ATG10: variants seen among roughly 807,000 people sequenced by gnomAD.
ATG10 encodes the protein autophagy related 10, also known as ubiquitin-like-conjugating enzyme ATG10.
A neutral mutation model predicts 32.1 loss-of-function variants in ATG10; 30 were observed. The ratio of observed to expected loss-of-function variants is 0.94; its 90% confidence interval spans 0.70 to 1.27. ATG10 has a LOEUF of 1.27. Among genes scored for constraint, ATG10 ranks in the 50% most tolerant of loss-of-function variants. The probability of loss-of-function intolerance (pLI) is 0.00; values close to 1 mark genes in which losing one functional copy is unlikely to be tolerated. For missense variants in ATG10, 233 were observed against 262.3 expected, an observed-to-expected ratio of 0.89 and a Z score of 0.77; for synonymous variants, 87 against 91.5, an observed-to-expected ratio of 0.95 and a Z score of 0.28.
At chr5:82,111,362 A>G (rs1217004880) in intron 3 of ATG10, 1 of 151,954 alleles carries the variant, frequency 6.6e-6, no homozygotes, top group Non-Finnish European at 1.5e-5. Context: ...ATTTTGTGTT[A>G]CGGATGTCTT....
chr5:82,192,974 C>T (rs886305702), intron 5 of ATG10, among the ~76,000 whole-genome samples: 23 of 152,172 alleles, frequency 1.5e-4, no homozygotes, highest in Non-Finnish European at 2.5e-4. Context: ...ATTTCTTTCT[C>T]AGGAGAGACC....
At chr5:82,143,092 G>T (rs1393699132) in intron 3 of ATG10, among the ~76,000 whole-genome samples, 1 of 152,230 alleles carries the variant, frequency 6.6e-6, no homozygotes, top group Non-Finnish European at 1.5e-5. Context: ...TGGAGTGGTT[G>T]TTAGAGTCAT....
intron 5 of ATG10, among the ~76,000 whole-genome samples, chr5:82,182,279 A>T (rs900568933): frequency 3.3e-5 from 5 of 152,170 alleles, no homozygotes; most frequent in Non-Finnish European, 2.9e-5. Flanking sequence ...TAATTGTGTA[A>T]TGTGCTTATT....
chr5:82,155,440 T>C (rs950064289), intron 3 of ATG10, among the ~76,000 whole-genome samples: 13 of 152,328 alleles, frequency 8.5e-5, no homozygotes, highest in African/African-American at 2.9e-4. Flanking sequence ...CTAAGGTCTA[T>C]GGACTACAGC....
chr5:82,010,233 A>T, intron 2 of ATG10: 2 of 729,782 alleles, frequency 2.7e-6, no homozygotes, highest in Middle Eastern at 4.0e-4. Flanking sequence ...GGAGGGGAAA[A>T]ATAACCAATT....
intron 2 of ATG10, chr5:82,009,917 C>T (rs931395274): frequency 6.2e-7 from 1 of 1,611,012 alleles, no homozygotes; most frequent in Non-Finnish European, 8.5e-7. Flanking sequence ...GACACATAAA[C>T]CCTGGAATAA....
intron 5 of ATG10, among the ~76,000 whole-genome samples, chr5:82,228,245 T>C (rs1746215254): frequency 6.6e-6 from 1 of 152,090 alleles, no homozygotes; most frequent in South Asian, 2.1e-4. Flanking sequence ...ATTAAAAGTA[T>C]GTATCAATAC....
chr5:82,046,944 A>T (rs926074814), intron 2 of ATG10, among the ~76,000 whole-genome samples: 1 of 152,124 alleles, frequency 6.6e-6, no homozygotes, highest in Non-Finnish European at 1.5e-5. Flanking sequence ...TAAATCCAGA[A>T]ATCAAGATGA....
intron 3 of ATG10, among the ~76,000 whole-genome samples, chr5:82,151,983 A>G (rs1454312681): frequency 2.6e-5 from 4 of 152,208 alleles, no homozygotes; most frequent in Admixed American, 2.0e-4. Context: ...AAACAATGTA[A>G]AAAGACCTGA....
chr5:82,173,780 C>A (rs1743898195), intron 4 of ATG10, among the ~76,000 whole-genome samples: 1 of 152,162 alleles, frequency 6.6e-6, no homozygotes, highest in African/African-American at 2.4e-5. Flanking sequence ...TCTCCTCTGA[C>A]TGAGGCCAGA....
At chr5:82,191,200 T>C (rs1379840212) in intron 5 of ATG10, among the ~76,000 whole-genome samples, 1 of 152,228 alleles carries the variant, frequency 6.6e-6, no homozygotes, top group Non-Finnish European at 1.5e-5. Flanking sequence ...ACACTGAAGT[T>C]ACTGATAAAT....
chr5:81,975,220 A>G (rs1760835172), intron 1 of ATG10, among the ~76,000 whole-genome samples: 2 of 152,138 alleles, frequency 1.3e-5, no homozygotes, highest in Admixed American at 1.3e-4. Context: ...GTGGTTGTAC[A>G]ATTTATCACT....
At chr5:81,974,513 A>G (rs182386758) in intron 1 of ATG10, among the ~76,000 whole-genome samples, 12 of 152,352 alleles carry the variant, frequency 7.9e-5, no homozygotes, top group African/African-American at 2.6e-4. Context: ...CTTTCTGAGA[A>G]AACCTTTTTA....
intron 2 of ATG10, among the ~76,000 whole-genome samples, chr5:82,029,328 A>T (rs1178283611): frequency 2.2e-5 from 1 of 45,526 alleles, no homozygotes; most frequent in Non-Finnish European, 6.1e-5. Flanking sequence ...ATATAAAGAA[A>T]ATGTATTTAA....
intron 3 of ATG10, among the ~76,000 whole-genome samples, chr5:82,119,350 A>G (rs1765951113): frequency 1.3e-5 from 2 of 152,344 alleles, no homozygotes; most frequent in South Asian, 4.1e-4. Flanking sequence ...ATTTCTAGCC[A>G]TTATAAATGG....
At chr5:82,059,076 C>G (rs1448379956) in intron 3 of ATG10, among the ~76,000 whole-genome samples, 5 of 152,062 alleles carry the variant, frequency 3.3e-5, no homozygotes, top group Non-Finnish European at 7.4e-5. Flanking sequence ...GCCTTTAGCC[C>G]CTTTTCCCTT....
intron 2 of ATG10, among the ~76,000 whole-genome samples, chr5:82,034,604 G>A (rs1047210570): frequency 1.3e-5 from 2 of 152,124 alleles, no homozygotes; most frequent in East Asian, 3.9e-4. Flanking sequence ...TGGCTTCCAA[G>A]GCCTTCAGTG....
intron 2 of ATG10, among the ~76,000 whole-genome samples, chr5:82,048,875 A>G (rs1763309204): frequency 6.6e-6 from 1 of 152,154 alleles, no homozygotes; most frequent in Admixed American, 6.6e-5. Context: ...TTAGAATGGC[A>G]ATCATTAAAA....
intron 2 of ATG10, among the ~76,000 whole-genome samples, chr5:82,056,835 A>T (rs1204861613): frequency 6.6e-6 from 1 of 152,198 alleles, no homozygotes; most frequent in Non-Finnish European, 1.5e-5. Flanking sequence ...TGGATGTTTG[A>T]TGTGAAACAG....
Sources: allele counts gnomAD v4.1 joint callset (sites outside exome capture counted in the v4.1 genomes callset), GRCh38; gene constraint gnomAD v4.1.1; transcripts MANE v1.5; gene names NCBI Gene and HGNC (gene_info 2026-07-23, HGNC 2026-07-21).